Variants in BRDT observed in about 807,000 individuals in gnomAD.
BRDT encodes the protein bromodomain testis associated, also known as bromodomain testis-specific protein.
A neutral mutation model predicts 113.9 loss-of-function variants in BRDT; 77 were observed. That is an observed-to-expected ratio of 0.68 (90% CI 0.56 to 0.82). BRDT has a LOEUF of 0.82. BRDT is among the 40% of genes least tolerant of loss of function. The pLI, the probability that BRDT is intolerant of heterozygous loss-of-function variation, is 0.00. For synonymous variants in BRDT, 358 were observed against 366.5 expected (o/e 0.98, Z 0.26); for missense variants, 1,027 against 1,105.4 (o/e 0.93, Z 1.01).
rs563830287 is a variant in BRDT, at chr1:91,978,321, G to A, written c.1098+25G>A. The A allele has an allele frequency of 3.1e-6, 5 of 1,610,690 alleles. No homozygotes were observed. The East Asian group carries it at 8.9e-5, about 29-fold the overall frequency. ...GGTGAGCTGTTACTTGTGCTCTGAAGGTGTTTTTCCTCTGAACATAGTTGA... is the reference window on the plus strand; with the variant it reads ...GGTGAGCTGTTACTTGTGCTCTGAAAGTGTTTTTCCTCTGAACATAGTTGA... On this transcript the variant is annotated intron_variant, in intron 7 of 18. Coordinates refer to ENST00000399546, the MANE Select transcript of BRDT (RefSeq NM_207189.4).
intron 12 of BRDT, 61 bp downstream of exon 12, chr1:91,981,816 A>T (rs527771779): frequency 6.8e-7 from 1 of 1,475,980 alleles, no homozygotes; most frequent in Non-Finnish European, 9.0e-7. Flanking sequence ...TGTAATATTG[A>T]TTTATATTTT....
chr1:91,962,069 C>T (rs1682516056), intron 1 of BRDT, among the ~76,000 whole-genome samples: 1 of 133,328 alleles, frequency 7.5e-6, no homozygotes, highest in Admixed American at 8.5e-5. Context: ...GGCGTGAACC[C>T]GGGAGGCGGA....
chr1:91,990,770 A>G (rs940970095), intron 12 of BRDT, among the ~76,000 whole-genome samples: 1 of 152,134 alleles, frequency 6.6e-6, no homozygotes, highest in African/African-American at 2.4e-5. Flanking sequence ...TATGTTTGTA[A>G]TAAAGGGATT....
chr1:91,953,506 C>T (rs1228527462), intron 1 of BRDT, among the ~76,000 whole-genome samples: 1 of 152,016 alleles, frequency 6.6e-6, no homozygotes, highest in Admixed American at 6.6e-5. Context: ...ATGGTGAAAC[C>T]CCGTCTCTAC....
intron 4 of BRDT, among the ~76,000 whole-genome samples, chr1:91,969,060 C>T (rs1048492394): frequency 6.6e-6 from 1 of 152,020 alleles, no homozygotes; most frequent in Non-Finnish European, 1.5e-5. Context: ...CCTCAGCCTC[C>T]AGAGTAGCTG....
intron 1 of BRDT, among the ~76,000 whole-genome samples, chr1:91,958,759 A>T (rs1258787611): frequency 6.6e-6 from 1 of 152,166 alleles, no homozygotes; most frequent in Non-Finnish European, 1.5e-5. Context: ...ATAAAAAATT[A>T]AATGTAGAAA....
chr1:91,995,628 A>G (rs1182480468), intron 15 of BRDT, among the ~76,000 whole-genome samples: 1 of 150,386 alleles, frequency 6.6e-6, no homozygotes, highest in Non-Finnish European at 1.5e-5. Flanking sequence ...ATGCCCAGCT[A>G]ATTTTTTTGT....
intron 12 of BRDT, among the ~76,000 whole-genome samples, chr1:91,989,348 A>G (rs1361828086): frequency 1.3e-5 from 2 of 152,144 alleles, no homozygotes; most frequent in African/African-American, 2.4e-5. Flanking sequence ...AGCTGAAACC[A>G]TAATTTCTCC....
intron 4 of BRDT, among the ~76,000 whole-genome samples, chr1:91,975,142 G>T (rs539558738): frequency 1.3e-5 from 2 of 152,088 alleles, no homozygotes; most frequent in Admixed American, 6.6e-5. Context: ...GGGGTAGGGG[G>T]AGTGGGGAGG....
intron 3 of BRDT, among the ~76,000 whole-genome samples, chr1:91,966,036 A>G (rs963782902): frequency 6.6e-6 from 1 of 151,700 alleles, no homozygotes; most frequent in East Asian, 1.9e-4. Flanking sequence ...TTATTTTTTT[A>G]TTTTTATTTT....
chr1:92,001,209 C>T (rs574966981), intron 15 of BRDT, among the ~76,000 whole-genome samples: 5 of 152,278 alleles, frequency 3.3e-5, no homozygotes, highest in African/African-American at 9.6e-5. Flanking sequence ...TATTAAAACC[C>T]ACCTCTAGGC....
At chr1:91,979,893 T>C in intron 8 of BRDT, 136 bp downstream of exon 8, 1 of 659,340 alleles carries the variant, frequency 1.5e-6, no homozygotes, top group South Asian at 3.6e-5. Context: ...GGCAAATTTG[T>C]AATGTTTAAT....
chr1:91,954,260 C>T (rs144091458), intron 1 of BRDT, among the ~76,000 whole-genome samples: 392 of 148,514 alleles, frequency 2.6e-3, no homozygotes, highest in African/African-American at 9.4e-3. Flanking sequence ...GTGCGAGCCA[C>T]GGTGCTCGGC....
intron 1 of BRDT, among the ~76,000 whole-genome samples, chr1:91,961,342 C>T (rs1400305219): frequency 6.6e-6 from 1 of 151,578 alleles, no homozygotes; most frequent in East Asian, 1.9e-4. Context: ...AAAATAAAAT[C>T]ACTTTGGCTG....
At chr1:91,963,950 C>T (rs1251904350) in intron 2 of BRDT, among the ~76,000 whole-genome samples, 4 of 152,036 alleles carry the variant, frequency 2.6e-5, no homozygotes, top group African/African-American at 9.7e-5. Flanking sequence ...CTGACCGCTG[C>T]AACCTCTGCC....
intron 15 of BRDT, among the ~76,000 whole-genome samples, chr1:91,996,403 C>T (rs1293587983): frequency 1.3e-5 from 2 of 152,186 alleles, no homozygotes; most frequent in Non-Finnish European, 2.9e-5. Context: ...CATGCACCAC[C>T]ATATGCGGCT....
At chr1:91,994,797 G>A (rs1429981032) in intron 15 of BRDT, among the ~76,000 whole-genome samples, 3 of 141,136 alleles carry the variant, frequency 2.1e-5, no homozygotes, top group African/African-American at 7.8e-5. Flanking sequence ...GAACCCAGGA[G>A]GCGGAGCTTG....
intron 1 of BRDT, among the ~76,000 whole-genome samples, chr1:91,955,466 AAAC>A (rs955112414): frequency 1.3e-5 from 2 of 152,134 alleles, no homozygotes; most frequent in Admixed American, 6.6e-5. Flanking sequence ...AAACAAAACA[AAAC>A]AACAACAAAA....
At chr1:91,971,099 GT>G (rs1443804127) in intron 4 of BRDT, among the ~76,000 whole-genome samples, 1 of 152,034 alleles carries the variant, frequency 6.6e-6, no homozygotes, top group African/African-American at 2.4e-5. Flanking sequence ...GTATCACATG[GT>G]GAGGTGGGGG....
Sources: allele counts gnomAD v4.1 joint callset (sites outside exome capture counted in the v4.1 genomes callset), GRCh38; gene constraint gnomAD v4.1.1; transcripts MANE v1.5; gene names NCBI Gene and HGNC (gene_info 2026-07-23, HGNC 2026-07-21).